Variants in TIFA observed in about 807,000 individuals in gnomAD.
TIFA encodes TRAF interacting protein with forkhead associated domain.
For synonymous variants in TIFA, 75 were observed against 79.2 expected (o/e 0.95, Z 0.28); for missense variants, 186 against 215.2 (o/e 0.86, Z 0.85).
At chr4:112,284,479 C>A (rs1179743443) in intron 1 of TIFA, among the ~76,000 whole-genome samples, 1 of 152,084 alleles carries the variant, frequency 6.6e-6, no homozygotes, top group Non-Finnish European at 1.5e-5. Flanking sequence ...AGCTTGGCAC[C>A]CCTGGGTGGT....
chr4:112,280,856 C>G (rs1712041063), intron 1 of TIFA, among the ~76,000 whole-genome samples: 1 of 152,076 alleles, frequency 6.6e-6, no homozygotes, highest in East Asian at 1.9e-4. Flanking sequence ...CCCAAGCAGG[C>G]CACAGATGTC....
Position 112,277,735 on chromosome 4 carries a change from T to A in TIFA, c.*127A>T. On this transcript the variant is annotated 3_prime_UTR_variant, in exon 2 of 2. Coordinates refer to ENST00000361717, the MANE Select transcript of TIFA (RefSeq NM_052864.3). ...TTTACAGACTTCAAAATGATAATACTGAATTCCAAATTTCACAGCATAACA... is the reference window on the plus strand; with the variant it reads ...TTTACAGACTTCAAAATGATAATACAGAATTCCAAATTTCACAGCATAACA... 1 of 700,966 alleles carries A rather than the reference T, an allele frequency of 1.4e-6. No individual in the cohort carries two copies. The highest frequency in any genetic ancestry group is 3.0e-5 in the South Asian group (1 of 33,194). 43.4% of individuals were successfully genotyped at this position (700,966 alleles called of 1,614,324 possible).
At position 112,277,650 on chromosome 4, in the gene TIFA, T is replaced by G; in HGVS notation, c.*212A>C. The G allele has an allele frequency of 2.6e-6, 1 of 377,616 alleles. No homozygotes were observed. The highest frequency in any genetic ancestry group is 4.7e-6 in the Non-Finnish European group (1 of 213,758). 23.4% of individuals were successfully genotyped at this position (377,616 alleles called of 1,614,324 possible). The stretch of plus-strand genomic sequence containing the variant: ...AATCCTCACAGATTAATAAGAGCAG[T>G]TAAAATAATTTTGTGTAGATCCAGA... On this transcript the variant is annotated 3_prime_UTR_variant, in exon 2 of 2. Coordinates refer to ENST00000361717, the MANE Select transcript of TIFA (RefSeq NM_052864.3).
rs1465464805 is a variant in TIFA, at chr4:112,275,499, A to G, written c.*2363T>C. The G allele has an allele frequency of 6.6e-6, 1 of 152,196 alleles. No individual in the cohort carries two copies. The highest frequency in any genetic ancestry group is 1.5e-5 in the Non-Finnish European group (1 of 68,036). The allele number at this position is 152,196 out of a possible 1,614,324, so 9.4% of individuals were successfully genotyped here. ...TCTAATACTAACCAATTGCTCTTTC[A>G]TTATTAAAGCGTTCATTATTATTTA... is the stretch of plus-strand genomic sequence containing the variant. On this transcript the variant is annotated 3_prime_UTR_variant, in exon 2 of 2. Transcript: ENST00000361717.
At chr4:112,279,551 C>T (rs991154737) in intron 1 of TIFA, among the ~76,000 whole-genome samples, 1 of 152,122 alleles carries the variant, frequency 6.6e-6, no homozygotes, top group Non-Finnish European at 1.5e-5. Context: ...ACATAACCAG[C>T]ATAACTATAT....
At position 112,277,832 on chromosome 4, in the gene TIFA, A is replaced by G. The variant is rs1038227328; in HGVS notation, c.*30T>C. On this transcript the variant is annotated 3_prime_UTR_variant, in exon 2 of 2. Transcript: ENST00000361717. ...ACAGCATCTACAGAGCTCTTCATCC[A>G]TCATATTTCTCCTCTTAGACTTTCT... The G allele has an allele frequency of 3.2e-5, 50 of 1,549,712 alleles. No homozygotes were observed. Among genetic ancestry groups the G allele is most frequent in the South Asian group, 1.1e-4 (9 of 79,308 alleles).
Position 112,278,348 on chromosome 4 carries a change from AG to A in TIFA, c.68del (p.Pro23LeufsTer12), listed in dbSNP as rs750371054. ...VTCLQMTVYH[P>X]GQLQCGIFQS... Reference sequence around the variant, plus strand: ...GAAATATTCCACACTGCAACTGGCCAGGATGGTAAACCGTCATCTGGAGACA... The same window carrying A: ...GAAATATTCCACACTGCAACTGGCCAGATGGTAAACCGTCATCTGGAGACA... On this transcript the variant is annotated frameshift_variant, in exon 2 of 2. Transcript: ENST00000361717. LOFTEE classifies it low-confidence loss of function (END_TRUNC). 1 of 1,610,478 alleles carries A rather than the reference AG, an allele frequency of 6.2e-7. No homozygotes were observed.
chr4:112,278,125 C>A lies in TIFA; in HGVS notation c.292G>T (p.Val98Leu). 1 of 1,614,036 alleles carries A rather than the reference C, an allele frequency of 6.2e-7. No homozygotes were observed. Among genetic ancestry groups the A allele is most frequent in the Non-Finnish European group, 8.5e-7 (1 of 1,180,012 alleles). ...AGGTAGCCCAGCTCTCTGCTGTCCA[C>A]GATCAGATTGGTCTTTTTACTCATA... Reference protein sequence around the residue: ...KNMSKKTNLIVDSRELGYLNK... With the variant: ...KNMSKKTNLILDSRELGYLNK... The change falls in exon 2 of 2, where the codon GTG becomes TTG. Residue 98 changes from valine (V) to leucine (L), a missense_variant. Physicochemically the swap from Val to Leu is conservative, Grantham distance 32. Coordinates refer to ENST00000361717, the MANE Select transcript of TIFA (RefSeq NM_052864.3).
chr4:112,282,956 C>CT (rs1277513762), intron 1 of TIFA, among the ~76,000 whole-genome samples: 3 of 152,112 alleles, frequency 2.0e-5, no homozygotes, highest in African/African-American at 7.2e-5. Flanking sequence ...CCAGACCTCA[C>CT]TCTTGTTAAT....
rs1003406481 is a variant in TIFA, at chr4:112,285,352, G to T, written c.-19+288C>A. Among the ~76,000 whole-genome samples the T allele has an allele frequency of 4.6e-5, 7 of 151,982 alleles. No homozygotes were observed. The East Asian group carries it at 7.7e-4, about 17-fold the overall frequency. On this transcript the variant is annotated intron_variant, in intron 1 of 1. Transcript: ENST00000361717. ...GGCATTCGTTTTTGTTTTCTGATTA[G>T]AAAAACGTTGAAAAGAATACCAAAG...
At chr4:112,285,090 T>C (rs1233599396) in intron 1 of TIFA, among the ~76,000 whole-genome samples, 1 of 151,908 alleles carries the variant, frequency 6.6e-6, no homozygotes, top group African/African-American at 2.4e-5. Context: ...ATTTGGGAAA[T>C]TCCACCTTTC....
intron 1 of TIFA, among the ~76,000 whole-genome samples, chr4:112,278,992 T>A (rs1727175122): frequency 6.6e-6 from 1 of 152,246 alleles, no homozygotes; most frequent in African/African-American, 2.4e-5. Flanking sequence ...TATCCTCACT[T>A]TGATTTCTAA....
chr4:112,281,224 A>T (rs546142432), intron 1 of TIFA, among the ~76,000 whole-genome samples: 5 of 152,344 alleles, frequency 3.3e-5, no homozygotes, highest in African/African-American at 1.2e-4. Context: ...GGCGATAAGA[A>T]TTCCAAAAGG....
At chr4:112,279,847 A>G (rs1263719508) in intron 1 of TIFA, among the ~76,000 whole-genome samples, 1 of 152,004 alleles carries the variant, frequency 6.6e-6, no homozygotes, top group Non-Finnish European at 1.5e-5. Flanking sequence ...TTGTATTTTT[A>G]GTAGAGACGG....
At position 112,277,671 on chromosome 4, in the gene TIFA, C is replaced by CTCGGTGGTCA; in HGVS notation, c.*190_*191insTGACCACCGA. On this transcript the variant is annotated 3_prime_UTR_variant, in exon 2 of 2. Transcript: ENST00000361717. ...GCAGTTAAAATAATTTTGTGTAGAT[C>CTCGGTGGTCA]CAGAATACAACAGGTGACTAAGTTA... The CTCGGTGGTCA allele has an allele frequency of 4.9e-6, 2 of 409,578 alleles. No individual in the cohort carries two copies. The highest frequency in any genetic ancestry group is 4.2e-6 in the Non-Finnish European group (1 of 240,736). The allele number at this position is 409,578 out of a possible 1,614,324, so 25.4% of individuals were successfully genotyped here.
intron 1 of TIFA, among the ~76,000 whole-genome samples, chr4:112,281,492 G>C (rs4834251): frequency 0.59 from 89,031 of 151,904 alleles, 27,251 homozygotes; most frequent in African/African-American, 0.78. Flanking sequence ...CAGATCAATT[G>C]TCTGGGTTTG....
chr4:112,284,617 C>A (rs1439452050), intron 1 of TIFA, among the ~76,000 whole-genome samples: 2 of 151,516 alleles, frequency 1.3e-5, no homozygotes, highest in Non-Finnish European at 2.9e-5. Flanking sequence ...CCCCTCGCCT[C>A]CCCAGTTCCC....
intron 1 of TIFA, among the ~76,000 whole-genome samples, chr4:112,280,697 T>C (rs1027897363): frequency 2.0e-5 from 3 of 152,176 alleles, no homozygotes; most frequent in Non-Finnish European, 2.9e-5. Context: ...TTTTACAAAG[T>C]TTTGCTGCTG....
At chr4:112,280,538 C>T (rs1261007967) in intron 1 of TIFA, among the ~76,000 whole-genome samples, 3 of 151,804 alleles carry the variant, frequency 2.0e-5, no homozygotes, top group East Asian at 3.9e-4. Flanking sequence ...TTAGTAGAGA[C>T]AGGGTTTTAC....
Sources: allele counts gnomAD v4.1 joint callset (sites outside exome capture counted in the v4.1 genomes callset), GRCh38; gene constraint gnomAD v4.1.1; transcripts MANE v1.5; gene names NCBI Gene and HGNC (gene_info 2026-07-23, HGNC 2026-07-21).